The following AOAH variants were observed in gnomAD, a reference collection of about 807,000 sequenced individuals.
The protein encoded by AOAH is acyloxyacyl hydrolase.
AOAH carries 64 observed loss-of-function variants against 92.2 expected under a neutral mutation model. The observed-to-expected ratio is 0.69, with a 90% confidence interval of 0.57 to 0.86. AOAH has a LOEUF of 0.86. AOAH is among the 40% of genes least tolerant of loss of function. The probability of loss-of-function intolerance (pLI) is 0.00; values close to 1 mark genes in which losing one functional copy is unlikely to be tolerated. For missense variants in AOAH, 656 were observed against 694.6 expected (o/e 0.94, Z 0.62); for synonymous variants, 263 against 254.5 (o/e 1.03, Z -0.32).
At chr7:36,587,798 G>A (rs1407373807) in intron 12 of AOAH, among the ~76,000 whole-genome samples, 3 of 152,004 alleles carry the variant, frequency 2.0e-5, no homozygotes, top group Non-Finnish European at 4.4e-5. Context: ...AACAATGTTT[G>A]AAACAAAACA....
intron 4 of AOAH, among the ~76,000 whole-genome samples, chr7:36,656,139 A>G (rs1027110697): frequency 2.0e-5 from 3 of 152,118 alleles, no homozygotes; most frequent in African/African-American, 4.8e-5. Flanking sequence ...AGAAGGAAAG[A>G]GCAGATTTGG....
intron 1 of AOAH, among the ~76,000 whole-genome samples, chr7:36,695,760 T>C (rs1562705704): frequency 6.6e-6 from 1 of 152,192 alleles, no homozygotes; most frequent in Non-Finnish European, 1.5e-5. Context: ...CTGTGGCTAA[T>C]CTTTTGGTTT....
chr7:36,543,190 C>T (rs1045233612), intron 15 of AOAH, among the ~76,000 whole-genome samples: 5 of 152,156 alleles, frequency 3.3e-5, no homozygotes, highest in Admixed American at 1.3e-4. Flanking sequence ...AAAAATCTTC[C>T]TACCTGATAA....
chr7:36,573,023 T>C (rs1788241179), intron 13 of AOAH, among the ~76,000 whole-genome samples: 2 of 152,316 alleles, frequency 1.3e-5, no homozygotes, highest in African/African-American at 4.8e-5. Context: ...ATTTTACAGA[T>C]GCAGAAACAG....
intron 16 of AOAH, among the ~76,000 whole-genome samples, chr7:36,534,964 C>G (rs111459750): frequency 7.2e-5 from 5 of 69,492 alleles, no homozygotes; most frequent in East Asian, 4.5e-4. Context: ...GTATCTGTGT[C>G]TGTGTCTCTG....
At chr7:36,583,664 T>C (rs1189468892) in intron 12 of AOAH, among the ~76,000 whole-genome samples, 1 of 152,140 alleles carries the variant, frequency 6.6e-6, no homozygotes, top group Non-Finnish European at 1.5e-5. Flanking sequence ...AATTTTGAAT[T>C]TGGACCAGAA....
At chr7:36,515,237 T>C (rs1231175311) in intron 20 of AOAH, among the ~76,000 whole-genome samples, 498 of 35,480 alleles carry the variant, frequency 0.014, no homozygotes, top group Admixed American at 0.017. Flanking sequence ...CCACACCCCT[T>C]ACAACCCCAC....
At chr7:36,670,292 TAAAAC>T (rs2116625828) in intron 3 of AOAH, among the ~76,000 whole-genome samples, 1 of 152,284 alleles carries the variant, frequency 6.6e-6, no homozygotes, top group South Asian at 2.1e-4. Context: ...TCTGATGGCT[TAAAAC>T]AAGCTGTATG....
At chr7:36,522,777 C>A (rs1281516700) in intron 19 of AOAH, among the ~76,000 whole-genome samples, 1 of 152,104 alleles carries the variant, frequency 6.6e-6, no homozygotes. Flanking sequence ...ACTTCAAATC[C>A]CTAGGAAGCC....
At chr7:36,515,864 AACACCACAC>A (rs1783656990) in intron 20 of AOAH, among the ~76,000 whole-genome samples, 2 of 109,428 alleles carry the variant, frequency 1.8e-5, no homozygotes, top group Non-Finnish European at 1.9e-5. Context: ...CACATACAGA[AACACCACAC>A]ACACCACACA....
intron 16 of AOAH, among the ~76,000 whole-genome samples, chr7:36,534,414 T>C (rs1784881670): frequency 6.6e-6 from 1 of 152,194 alleles, no homozygotes; most frequent in Non-Finnish European, 1.5e-5. Flanking sequence ...TGAGGGCACA[T>C]TAGGTGCATT....
intron 1 of AOAH, among the ~76,000 whole-genome samples, chr7:36,715,008 C>T (rs950334648): frequency 3.3e-5 from 5 of 152,142 alleles, no homozygotes; most frequent in African/African-American, 9.6e-5. Flanking sequence ...AAATAAAGGG[C>T]ATTCAATTAG....
intron 1 of AOAH, among the ~76,000 whole-genome samples, chr7:36,704,447 G>C (rs375320814): frequency 1.3e-5 from 2 of 152,168 alleles, no homozygotes; most frequent in East Asian, 3.8e-4. Context: ...CCAGGAAGAA[G>C]TCAAATCCTT....
At chr7:36,612,842 G>GGTTAT (rs1188770408) in intron 11 of AOAH, among the ~76,000 whole-genome samples, 3 of 152,048 alleles carry the variant, frequency 2.0e-5, no homozygotes, top group South Asian at 4.1e-4. Context: ...TATATTTACT[G>GGTTAT]GTTATGTTCT....
At chr7:36,538,001 G>A (rs947493383) in intron 16 of AOAH, among the ~76,000 whole-genome samples, 6 of 144,124 alleles carry the variant, frequency 4.2e-5, no homozygotes, top group Admixed American at 3.5e-4. Flanking sequence ...CATACCATTC[G>A]TACATTCTTT....
chr7:36,514,540 G>T, intron 20 of AOAH: 2 of 1,535,968 alleles, frequency 1.3e-6, no homozygotes, highest in South Asian at 2.4e-5. Flanking sequence ...ATTCTTGGTT[G>T]TCCAGTGTCT....
intron 15 of AOAH, among the ~76,000 whole-genome samples, chr7:36,544,143 T>C (rs1053324039): frequency 2.6e-5 from 4 of 151,830 alleles, no homozygotes; most frequent in Non-Finnish European, 2.9e-5. Flanking sequence ...GACAGGGTTT[T>C]ACCATGTTGG....
chr7:36,565,875 A>G (rs1356222156), intron 13 of AOAH, among the ~76,000 whole-genome samples: 1 of 152,128 alleles, frequency 6.6e-6, no homozygotes, highest in South Asian at 2.1e-4. Context: ...TAGAACAATG[A>G]GGACAATCAT....
intron 5 of AOAH, among the ~76,000 whole-genome samples, chr7:36,633,324 T>A (rs551660281): frequency 6.6e-6 from 1 of 152,330 alleles, no homozygotes; most frequent in South Asian, 2.1e-4. Flanking sequence ...CCACTAAGGC[T>A]TGACAACCAC....
Sources: allele counts gnomAD v4.1 joint callset (sites outside exome capture counted in the v4.1 genomes callset), GRCh38; gene constraint gnomAD v4.1.1; transcripts MANE v1.5; gene names NCBI Gene and HGNC (gene_info 2026-07-23, HGNC 2026-07-21).